Variants in BPIFB3 observed in about 807,000 individuals in gnomAD.
BPIFB3 encodes BPI fold-containing family B member 3.
A neutral mutation model predicts 53.1 loss-of-function variants in BPIFB3; 49 were observed. That is an observed-to-expected ratio of 0.92 (90% confidence interval 0.73 to 1.17). The LOEUF (loss-of-function observed/expected upper bound fraction) is 1.17. Among genes scored for constraint, BPIFB3 ranks in the 50% most tolerant of loss-of-function variants. BPIFB3 has a pLI of 0.00. For missense variants in BPIFB3, 628 were observed against 592.5 expected (o/e 1.06, Z -0.62); for synonymous variants, 271 against 269.6 (o/e 1.01, Z -0.05).
chr20:33,059,538 G>A (rs944335976), intron 3 of BPIFB3, 56 bp downstream of exon 4: 6 of 1,292,378 alleles, frequency 4.6e-6, no homozygotes, highest in Non-Finnish European at 6.6e-6. Context: ...CCCCTGACCT[G>A]TTGGAGACTC....
At chr20:33,064,707 C>G (rs147827868) in exon 8 of BPIFB3, 743 of 1,614,094 alleles carry the variant, frequency 4.6e-4, no homozygotes, top group Non-Finnish European at 5.9e-4. Flanking sequence ...TTGACTTCCC[C>G]AAGTCCCGTG....
chr20:33,071,442 T>C, intron 12 of BPIFB3, 147 bp downstream of exon 13: 1 of 898,564 alleles, frequency 1.1e-6, no homozygotes, highest in Non-Finnish European at 1.7e-6. Flanking sequence ...TGGGCAAATA[T>C]CAGGGCGGGT....
rs1221838542 is a variant in BPIFB3 at position 33,069,480 on chromosome 20, G to T, written c.1150-408G>T. On this transcript the variant is annotated intron_variant, in intron 10 of 14. Coordinates refer to ENST00000375494, the Ensembl canonical transcript of BPIFB3. Reference sequence around the variant, plus strand: ...TGTCCCCTAAGCCTCAGCTACTCAGGTCTACCAGGTCCTCCCTCCCTGGCT... The same window carrying T: ...TGTCCCCTAAGCCTCAGCTACTCAGTTCTACCAGGTCCTCCCTCCCTGGCT... Among the ~76,000 whole-genome samples the T allele has an allele frequency of 3.9e-5, 6 of 152,098 alleles. No individual in the cohort carries two copies. The East Asian group carries it at 1.2e-3, about 29-fold the overall frequency.
intron 1 of BPIFB3, 139 bp downstream of exon 2, chr20:33,055,686 G>A: frequency 1.5e-6 from 2 of 1,293,418 alleles, no homozygotes; most frequent in South Asian, 1.4e-5. Context: ...TCTCCTGGGA[G>A]TAGCTGTGCA....
exon 15 of BPIFB3, chr20:33,073,598 C>T: frequency 6.2e-7 from 1 of 1,614,074 alleles, no homozygotes; most frequent in Admixed American, 1.7e-5. Flanking sequence ...CTGACCGTGG[C>T]ATCCTGAGGC....
At position 33,071,255 on chromosome 20, in the gene BPIFB3, TCA is replaced by T; in HGVS notation, c.1221_1222del (p.Ser408CysfsTer12). On this transcript the variant is annotated frameshift_variant, in exon 12 of 15. Coordinates refer to ENST00000375494, the Ensembl canonical transcript of BPIFB3. LOFTEE classifies it high-confidence loss of function. Reference sequence around the variant, plus strand: ...AGCATCTCTCTTCTCTCCACCAGGCTCAGTGTCAAGGTGGCCTCCTCCTTTAC... The same window carrying T: ...AGCATCTCTCTTCTCTCCACCAGGCTGTGTCAAGGTGGCCTCCTCCTTTAC... 1 of 1,564,414 alleles carries T rather than the reference TCA, an allele frequency of 6.4e-7. No individual in the cohort carries two copies. The highest frequency in any genetic ancestry group is 8.7e-7 in the Non-Finnish European group (1 of 1,153,198).
intron 11 of BPIFB3, among the ~76,000 whole-genome samples, chr20:33,070,550 C>T (rs1217143837): frequency 1.3e-5 from 2 of 152,236 alleles, no homozygotes; most frequent in East Asian, 3.8e-4. Context: ...AGCAGGTCTG[C>T]AGTCTGGGCC....
chr20:33,066,040 G>A (rs189999842), intron 8 of BPIFB3, among the ~76,000 whole-genome samples: 57 of 152,328 alleles, frequency 3.7e-4, no homozygotes, highest in African/African-American at 1.2e-3. Flanking sequence ...TATGAGCATC[G>A]TGGCAAGAGA....
At chr20:33,063,517 G>A in intron 5 of BPIFB3, 98 bp from the exon 7 acceptor site, 2 of 1,375,886 alleles carry the variant, frequency 1.5e-6, no homozygotes, top group Non-Finnish European at 2.1e-6. Context: ...TTGGTCCCCA[G>A]CACCACATAG....
chr20:33,067,446 A>G (rs1246131949), intron 9 of BPIFB3, among the ~76,000 whole-genome samples: 1 of 152,256 alleles, frequency 6.6e-6, no homozygotes, highest in Non-Finnish European at 1.5e-5. Flanking sequence ...GAGGTTGGAA[A>G]GAGGCCTAGG....
At chr20:33,066,527 C>T (rs370721378) in intron 8 of BPIFB3, among the ~76,000 whole-genome samples, 1 of 152,228 alleles carries the variant, frequency 6.6e-6, no homozygotes, top group African/African-American at 2.4e-5. Context: ...TTGTGTGACC[C>T]TTGGCAACAG....
intron 5 of BPIFB3, among the ~76,000 whole-genome samples, chr20:33,063,132 G>A (rs138282889): frequency 2.0e-3 from 307 of 152,286 alleles, no homozygotes; most frequent in East Asian, 5.2e-3. Flanking sequence ...GAATGAACAC[G>A]TGGTGATATG....
chr20:33,073,519 AG>A, intron 14 of BPIFB3, 56 bp from the exon 16 acceptor site: 2 of 1,601,274 alleles, frequency 1.2e-6, no homozygotes, highest in Non-Finnish European at 1.7e-6. Flanking sequence ...AGATGGCTGC[AG>A]GGATGGGGCA....
intron 1 of BPIFB3, 116 bp from the exon 3 acceptor site, chr20:33,056,426 G>T: frequency 3.7e-6 from 5 of 1,358,254 alleles, no homozygotes; most frequent in Non-Finnish European, 5.1e-6. Context: ...TAACCTCTGG[G>T]TTAATTCCAT....
chr20:33,073,008 A>ATCATCAAT (rs1980970881), intron 14 of BPIFB3, among the ~76,000 whole-genome samples: 1 of 152,256 alleles, frequency 6.6e-6, no homozygotes, highest in African/African-American at 2.4e-5. Context: ...CATGGCAGAC[A>ATCATCAAT]TCATCAATCA....
intron 2 of BPIFB3, 151 bp downstream of exon 3, chr20:33,056,849 T>A (rs1980231459): frequency 1.0e-6 from 1 of 995,742 alleles, no homozygotes; most frequent in Non-Finnish European, 1.4e-6. Flanking sequence ...CTCTACTGCA[T>A]GCCTGGCAGG....
chr20:33,060,197 A>G (rs1447716592), intron 4 of BPIFB3, among the ~76,000 whole-genome samples, 166 bp downstream of exon 5: 1 of 152,170 alleles, frequency 6.6e-6, no homozygotes, highest in Non-Finnish European at 1.5e-5. Context: ...CGACAGATTG[A>G]GTCCCACCAC....
chr20:33,055,371 A>G, upstream of BPIFB3: 2 of 1,599,186 alleles, frequency 1.3e-6, no homozygotes. Context: ...AGAGAGGGGA[A>G]AGGCTTGAGC....
chr20:33,066,236 A>G (rs1290305505), intron 8 of BPIFB3, among the ~76,000 whole-genome samples: 3 of 152,056 alleles, frequency 2.0e-5, no homozygotes, highest in African/African-American at 7.2e-5. Context: ...CCTGTGCCCC[A>G]TTTCTCAGGC....
Sources: gnomAD v4.1 joint callset for allele counts (sites outside exome capture counted in the v4.1 genomes callset) on GRCh38, gnomAD v4.1.1 for gene constraint, MANE v1.5 for transcripts, NCBI Gene and HGNC (gene_info 2026-07-23, HGNC 2026-07-21) for gene names.